B3GALT1: variants seen among roughly 807,000 people sequenced by gnomAD.
B3GALT1 encodes the protein beta-1,3-galactosyltransferase 1, also known as UDP-Gal:betaGlcNAc beta 1,3-galactosyltransferase, polypeptide 1.
In B3GALT1, 10 loss-of-function variants were observed where a neutral mutation model predicts 23.2. That is an observed-to-expected ratio of 0.43 (90% confidence interval 0.27 to 0.73). B3GALT1 has a LOEUF of 0.73. Ranked by LOEUF, B3GALT1 falls within the 30% of genes least tolerant of loss-of-function variation. The pLI is 0.21. For synonymous variants in B3GALT1, 156 were observed against 141.5 expected (o/e 1.10, Z -0.73); for missense variants, 299 against 405.4 (o/e 0.74, Z 2.25).
chr2:167,825,478 T>G (rs1223149926), intron 4 of B3GALT1, among the ~76,000 whole-genome samples: 5 of 144,822 alleles, frequency 3.5e-5, no homozygotes, highest in African/African-American at 5.2e-5. Context: ...GTGTGTGTGT[T>G]ATATATAAAT....
chr2:167,558,931 T>G (rs943766176), intron 2 of B3GALT1, among the ~76,000 whole-genome samples: 2 of 152,196 alleles, frequency 1.3e-5, no homozygotes, highest in Admixed American at 6.5e-5. Flanking sequence ...TAAATGTCCC[T>G]GTCTGACAGC....
At chr2:167,779,842 A>G (rs1005923862) in intron 3 of B3GALT1, among the ~76,000 whole-genome samples, 5 of 152,360 alleles carry the variant, frequency 3.3e-5, no homozygotes, top group African/African-American at 9.6e-5. Context: ...TCGCTGAATG[A>G]TAAGAGTTCT....
At chr2:167,572,874 A>T (rs1005623594) in intron 2 of B3GALT1, among the ~76,000 whole-genome samples, 1 of 151,778 alleles carries the variant, frequency 6.6e-6, no homozygotes, top group Non-Finnish European at 1.5e-5. Flanking sequence ...GCCTTAGGTT[A>T]GCGGGAAAAA....
chr2:167,391,441 TAATA>T (rs1424507763), intron 1 of B3GALT1, among the ~76,000 whole-genome samples: 1 of 152,200 alleles, frequency 6.6e-6, no homozygotes, highest in Non-Finnish European at 1.5e-5. Flanking sequence ...ATTTTAAGCC[TAATA>T]AATCAGTGAT....
intron 2 of B3GALT1, among the ~76,000 whole-genome samples, chr2:167,596,839 A>G (rs893381448): frequency 6.6e-6 from 1 of 152,234 alleles, no homozygotes; most frequent in African/African-American, 2.4e-5. Context: ...TAGGAATGAC[A>G]TAGAAAACAG....
chr2:167,746,070 G>GTT (rs1217353074), intron 3 of B3GALT1, among the ~76,000 whole-genome samples: 1 of 152,162 alleles, frequency 6.6e-6, no homozygotes, highest in Non-Finnish European at 1.5e-5. Flanking sequence ...AAAAGGAGAA[G>GTT]TAAGGGATGA....
rs190074550 is a variant in B3GALT1, at chr2:167,711,345, A to G, written c.-352+64379A>G. Among the ~76,000 whole-genome samples the G allele has an allele frequency of 1.8e-3, 271 of 152,258 alleles. 1 individual carries two copies. Among genetic ancestry groups the G allele is most frequent in the African/African-American group, 6.3e-3 (261 of 41,550 alleles). ...TGCTTTATTTACTTGTTTGGTTTTC[A>G]TTGTAACCCAGCACCTGCATTAATG... On this transcript the variant is annotated intron_variant, in intron 3 of 4. Coordinates refer to ENST00000392690, the MANE Select transcript of B3GALT1 (RefSeq NM_020981.4).
intron 1 of B3GALT1, among the ~76,000 whole-genome samples, chr2:167,306,849 T>G (rs886272266): frequency 1.3e-5 from 2 of 152,026 alleles, no homozygotes; most frequent in Non-Finnish European, 2.9e-5. Context: ...TAAGCACTTA[T>G]GCTGGTCTTT....
At chr2:167,825,118 T>C (rs993117798) in intron 4 of B3GALT1, among the ~76,000 whole-genome samples, 1 of 151,876 alleles carries the variant, frequency 6.6e-6, no homozygotes, top group African/African-American at 2.4e-5. Context: ...ACCCCGTCTC[T>C]ATTAAAAATA....
intron 2 of B3GALT1, among the ~76,000 whole-genome samples, chr2:167,545,830 T>C (rs1432441873): frequency 6.6e-6 from 1 of 152,174 alleles, no homozygotes; most frequent in Non-Finnish European, 1.5e-5. Context: ...TTATCCAAAA[T>C]GCTTGGAACC....
In B3GALT1 at chr2:167,354,852, GTCTAAT is replaced by G. The variant is rs1284033177; in HGVS notation, c.-511+61524_-511+61529del. Among the ~76,000 whole-genome samples the G allele has an allele frequency of 3.3e-5, 5 of 152,270 alleles. No homozygotes were observed. In the East Asian group the frequency reaches 9.7e-4, roughly 29 times the overall value. On this transcript the variant is annotated intron_variant, in intron 1 of 4. Transcript: ENST00000392690. ...ACCACATTTATTGTCTTCCTGCGCA[GTCTAAT>G]TCTAACATATTTTTCATCTTTATCA...
In B3GALT1 at chr2:167,439,343, A is replaced by T. The variant is rs530334712; in HGVS notation, c.-510-50834A>T. ...CCTTTGAATCCTATTTTTCACATCA[A>T]TATTGTCAACTGTTCTTTTTTCTAT... On this transcript the variant is annotated intron_variant, in intron 1 of 4. Transcript: ENST00000392690. 5.3e-5 allele frequency among the ~76,000 whole-genome samples: 8 copies of T among 152,190 alleles called. No individual in the cohort carries two copies. The East Asian group carries it at 1.4e-3, about 26-fold the overall frequency.
intron 1 of B3GALT1, among the ~76,000 whole-genome samples, chr2:167,383,104 C>T (rs1057296410): frequency 4.1e-4 from 63 of 152,104 alleles, no homozygotes; most frequent in African/African-American, 1.4e-3. Context: ...GAAAATTTCT[C>T]ATATATCCCA....
intron 3 of B3GALT1, among the ~76,000 whole-genome samples, chr2:167,677,327 T>G (rs1474724925): frequency 2.0e-5 from 3 of 152,194 alleles, no homozygotes; most frequent in Non-Finnish European, 4.4e-5. Context: ...ACAATAAGAC[T>G]TAAACTATTT....
chr2:167,333,672 A>G (rs964494044), intron 1 of B3GALT1, among the ~76,000 whole-genome samples: 2 of 152,200 alleles, frequency 1.3e-5, no homozygotes, highest in African/African-American at 2.4e-5. Flanking sequence ...GCATCTCAAG[A>G]TGCTGCTGGA....
At chr2:167,533,206 T>C (rs186380844) in intron 2 of B3GALT1, among the ~76,000 whole-genome samples, 83 of 152,228 alleles carry the variant, frequency 5.5e-4, no homozygotes, top group African/African-American at 2.0e-3. Context: ...TTCACTTGAC[T>C]CATTTCACTA....
intron 3 of B3GALT1, among the ~76,000 whole-genome samples, chr2:167,676,051 CCT>C (rs1235844617): frequency 1.3e-5 from 2 of 151,928 alleles, no homozygotes; most frequent in Non-Finnish European, 2.9e-5. Context: ...CTATTTCCAC[CCT>C]GTGTTGGCCC....
chr2:167,849,325 A>T (rs1689823374), intron 4 of B3GALT1, among the ~76,000 whole-genome samples: 1 of 152,248 alleles, frequency 6.6e-6, no homozygotes, highest in Non-Finnish European at 1.5e-5. Flanking sequence ...ACCTGATTTT[A>T]AACTATACTA....
chr2:167,707,545 T>C (rs1050673873), intron 3 of B3GALT1, among the ~76,000 whole-genome samples: 10 of 152,020 alleles, frequency 6.6e-5, no homozygotes, highest in African/African-American at 2.4e-4. Context: ...CCCAAATTCC[T>C]TGGCCCGTGC....
Sources: allele counts gnomAD v4.1 joint callset (sites outside exome capture counted in the v4.1 genomes callset), GRCh38; gene constraint gnomAD v4.1.1; transcripts MANE v1.5; gene names NCBI Gene and HGNC (gene_info 2026-07-23, HGNC 2026-07-21).